ARB2A: variants seen among roughly 807,000 people sequenced by gnomAD.
The protein encoded by ARB2A is ARB2 cotranscriptional regulator A.
the ARB2A span, among the ~76,000 whole-genome samples, chr5:93,838,044 G>T: frequency 6.6e-6 from 1 of 151,930 alleles, no homozygotes; most frequent in East Asian, 1.9e-4. Context: ...CTTTTGTTGC[G>T]ATTGCTTTTG....
chr5:94,009,106 T>C, the ARB2A span, among the ~76,000 whole-genome samples: 1 of 152,216 alleles, frequency 6.6e-6, no homozygotes, highest in Non-Finnish European at 1.5e-5. Context: ...TTAGGTTAGT[T>C]TTTATAAATC....
At chr5:93,892,923 ATTGTT>A in the ARB2A span, among the ~76,000 whole-genome samples, 1 of 152,172 alleles carries the variant, frequency 6.6e-6, no homozygotes, top group Non-Finnish European at 1.5e-5. Context: ...AATCATATTC[ATTGTT>A]TTAAGTCTCA....
chr5:93,624,436 T>G, the ARB2A span, among the ~76,000 whole-genome samples: 11 of 152,218 alleles, frequency 7.2e-5, no homozygotes, highest in Non-Finnish European at 1.5e-4. Context: ...TTTTTCCACA[T>G]TAAATATCTG....
the ARB2A span, among the ~76,000 whole-genome samples, chr5:93,852,157 G>A: frequency 5.9e-5 from 9 of 152,170 alleles, no homozygotes; most frequent in Admixed American, 4.6e-4. Context: ...TAACTGGTGT[G>A]AGATGGTATC....
the ARB2A span, among the ~76,000 whole-genome samples, chr5:93,708,981 A>C: frequency 2.0e-5 from 3 of 152,082 alleles, no homozygotes; most frequent in Non-Finnish European, 4.4e-5. Flanking sequence ...ACTGTATTAT[A>C]TATTTGAAAT....
chr5:93,955,820 C>CT, the ARB2A span, among the ~76,000 whole-genome samples: 4 of 152,144 alleles, frequency 2.6e-5, no homozygotes, highest in East Asian at 1.9e-4. Flanking sequence ...CCTGTGCTCA[C>CT]TCTGGGCCTG....
chr5:94,032,346 G>A, the ARB2A span, among the ~76,000 whole-genome samples: 2 of 152,184 alleles, frequency 1.3e-5, no homozygotes, highest in African/African-American at 2.4e-5. Context: ...GGAATCAGGT[G>A]TCTCACATGG....
At chr5:94,014,360 C>CA in the ARB2A span, among the ~76,000 whole-genome samples, 762 of 152,232 alleles carry the variant, frequency 5.0e-3, 6 homozygotes, top group African/African-American at 0.017. Flanking sequence ...CACCTACAGC[C>CA]AAAAACACGG....
the ARB2A span, among the ~76,000 whole-genome samples, chr5:94,014,295 A>G: frequency 6.6e-6 from 1 of 152,212 alleles, no homozygotes; most frequent in East Asian, 1.9e-4. Context: ...CCCATTTGGG[A>G]TGAGCAGCAC....
At chr5:94,072,358 TCACACA>T in the ARB2A span, among the ~76,000 whole-genome samples, 4 of 149,498 alleles carry the variant, frequency 2.7e-5, no homozygotes, top group Non-Finnish European at 4.5e-5. Flanking sequence ...CCAAACACAC[TCACACA>T]CACACACACA....
chr5:93,923,453 T>C, the ARB2A span, among the ~76,000 whole-genome samples: 1 of 152,174 alleles, frequency 6.6e-6, no homozygotes, highest in East Asian at 1.9e-4. Flanking sequence ...GCAGGAATTG[T>C]GGGTAATTTT....
chr5:94,092,561 A>G, the ARB2A span, among the ~76,000 whole-genome samples: 1 of 152,126 alleles, frequency 6.6e-6, no homozygotes, highest in African/African-American at 2.4e-5. Context: ...TTTTCTTGAA[A>G]TCTTATCTGT....
At chr5:93,625,346 C>A in the ARB2A span, among the ~76,000 whole-genome samples, 2 of 152,066 alleles carry the variant, frequency 1.3e-5, no homozygotes, top group African/African-American at 2.4e-5. Context: ...ATAATAGTAG[C>A]TAATCAAAGG....
chr5:93,876,351 A>G, the ARB2A span, among the ~76,000 whole-genome samples: 7 of 152,186 alleles, frequency 4.6e-5, no homozygotes, highest in Non-Finnish European at 8.8e-5. Flanking sequence ...CAAGTCTGAC[A>G]TGATGTGTAT....
the ARB2A span, chr5:93,741,505 C>A: frequency 1.2e-6 from 2 of 1,610,796 alleles, no homozygotes; most frequent in African/African-American, 2.7e-5. Context: ...CCCTCTGGGG[C>A]CGCCCCCACC....
the ARB2A span, among the ~76,000 whole-genome samples, chr5:93,800,381 TCACACACACACACACACACA>T: frequency 7.8e-5 from 11 of 140,960 alleles, no homozygotes; most frequent in African/African-American, 1.9e-4. Context: ...CTGCATATTT[TCACACACACACACACACACA>T]CACACACACA....
the ARB2A span, among the ~76,000 whole-genome samples, chr5:93,699,149 G>A: frequency 6.6e-6 from 1 of 152,148 alleles, no homozygotes; most frequent in African/African-American, 2.4e-5. Context: ...CTTGACAATA[G>A]ATACAGAGAT....
At chr5:93,800,898 G>T in the ARB2A span, among the ~76,000 whole-genome samples, 3 of 152,188 alleles carry the variant, frequency 2.0e-5, no homozygotes, top group East Asian at 5.8e-4. Context: ...CTGAAATAGA[G>T]AATGAAATGC....
the ARB2A span, among the ~76,000 whole-genome samples, chr5:94,080,676 A>G: frequency 6.6e-6 from 1 of 152,140 alleles, no homozygotes; most frequent in African/African-American, 2.4e-5. Flanking sequence ...AAGTGGTAAT[A>G]TGAAGGCCCA....
Sources: gnomAD v4.1 joint callset for allele counts (sites outside exome capture counted in the v4.1 genomes callset) on GRCh38, gnomAD v4.1.1 for gene constraint, MANE v1.5 for transcripts, NCBI Gene and HGNC (gene_info 2026-07-23, HGNC 2026-07-21) for gene names.